The following TRAK1 variants were observed in gnomAD, a reference collection of about 807,000 sequenced individuals.
TRAK1 encodes trafficking kinesin protein 1, also known as trafficking kinesin-binding protein 1.
TRAK1 carries 33 observed loss-of-function variants against 92.1 expected under a neutral mutation model. That is an observed-to-expected ratio of 0.36 (90% CI 0.27 to 0.48). TRAK1 has a LOEUF of 0.48. TRAK1 is among the 20% of genes least tolerant of loss of function. The probability of loss-of-function intolerance (pLI) is 0.99; values close to 1 mark genes in which losing one functional copy is unlikely to be tolerated. For synonymous variants in TRAK1, 521 were observed against 517.3 expected (o/e 1.01, Z -0.10); for missense variants, 1,123 against 1,257.9 (o/e 0.89, Z 1.62).
chr3:42,133,257 C>T (rs373997036), intron 2 of TRAK1, among the ~76,000 whole-genome samples: 7 of 152,312 alleles, frequency 4.6e-5, no homozygotes, highest in South Asian at 2.1e-4. Flanking sequence ...AGCCTCGTTC[C>T]ACCCTCTCCT....
chr3:42,127,836 T>C (rs1710787920), intron 2 of TRAK1, among the ~76,000 whole-genome samples: 2 of 152,170 alleles, frequency 1.3e-5, no homozygotes, highest in Non-Finnish European at 2.9e-5. Flanking sequence ...TGTGAAAGGC[T>C]CAGTGTTTAC....
intron 1 of TRAK1, among the ~76,000 whole-genome samples, chr3:42,100,169 C>G (rs1217646144): frequency 6.6e-6 from 1 of 152,134 alleles, no homozygotes; most frequent in Non-Finnish European, 1.5e-5. Flanking sequence ...AAGCCAGCCA[C>G]TATGAAGGCA....
chr3:42,035,960 A>C (rs1051369411), intron 1 of TRAK1, among the ~76,000 whole-genome samples: 1 of 152,146 alleles, frequency 6.6e-6, no homozygotes, highest in South Asian at 2.1e-4. Context: ...CAGTCTAGGT[A>C]TTTCCTGCTC....
chr3:42,160,382 C>T (rs201670628), intron 2 of TRAK1: 113 of 1,614,096 alleles, frequency 7.0e-5, no homozygotes, highest in East Asian at 6.0e-4. Flanking sequence ...GAGACAAGGG[C>T]GGGGAAGAAG....
At chr3:42,098,383 G>C (rs1559761977) in intron 1 of TRAK1, among the ~76,000 whole-genome samples, 2 of 152,184 alleles carry the variant, frequency 1.3e-5, no homozygotes. Context: ...TGGAGGAAGG[G>C]AGGTTGGGCC....
At chr3:42,196,840 G>T (rs984573845) in intron 10 of TRAK1, among the ~76,000 whole-genome samples, 1 of 151,608 alleles carries the variant, frequency 6.6e-6, no homozygotes, top group Non-Finnish European at 1.5e-5. Flanking sequence ...GAGCCGCCGC[G>T]CCTGGCCCTA....
intron 2 of TRAK1, among the ~76,000 whole-genome samples, chr3:42,142,972 G>T (rs977384077): frequency 2.0e-5 from 3 of 152,104 alleles, no homozygotes; most frequent in Non-Finnish European, 4.4e-5. Context: ...TTGAAACCTG[G>T]TGTTGCAGGT....
At chr3:42,089,243 A>G (rs190095153), upstream of TRAK1, among the ~76,000 whole-genome samples, 200 of 152,224 alleles carry the variant, frequency 1.3e-3, no homozygotes, top group African/African-American at 4.2e-3. Context: ...TGTTGGCTGT[A>G]TCTTCAGAGT....
At chr3:42,089,643 T>C (rs960306546), upstream of TRAK1, among the ~76,000 whole-genome samples, 1 of 149,652 alleles carries the variant, frequency 6.7e-6, no homozygotes, top group Non-Finnish European at 1.5e-5. Flanking sequence ...CTCTTCCTTC[T>C]CCAAGTGACA....
chr3:42,218,627 C>T, intron 14 of TRAK1: 4 of 985,302 alleles, frequency 4.1e-6, no homozygotes, highest in Non-Finnish European at 4.8e-6. Flanking sequence ...CCAGCTTTCT[C>T]ATGCATGGTC....
At chr3:42,094,173 G>A (rs1423585500) in intron 1 of TRAK1, among the ~76,000 whole-genome samples, 4 of 152,180 alleles carry the variant, frequency 2.6e-5, no homozygotes, top group Admixed American at 2.0e-4. Context: ...TTGTAGGAAC[G>A]TTGACTGGGA....
At chr3:42,219,372 C>T (rs1710083321) in intron 14 of TRAK1, 122 bp from the exon 15 acceptor site, 1 of 1,580,038 alleles carries the variant, frequency 6.3e-7, no homozygotes, top group African/African-American at 1.3e-5. Flanking sequence ...ACCTTCCTCG[C>T]CCAGATCCAG....
At chr3:42,115,186 A>C (rs1709015929) in intron 1 of TRAK1, among the ~76,000 whole-genome samples, 1 of 152,212 alleles carries the variant, frequency 6.6e-6, no homozygotes, top group African/African-American at 2.4e-5. Flanking sequence ...GTTTAAAATA[A>C]ATTTGTGTAC....
chr3:42,086,125 T>G (rs948374430), upstream of TRAK1, among the ~76,000 whole-genome samples: 2 of 152,202 alleles, frequency 1.3e-5, no homozygotes, highest in African/African-American at 4.8e-5. Context: ...GCGCTGGGAG[T>G]TGAGGCAGCG....
chr3:42,194,072 A>T (rs1706217764), intron 9 of TRAK1, among the ~76,000 whole-genome samples, 174 bp downstream of exon 9: 1 of 152,134 alleles, frequency 6.6e-6, no homozygotes, highest in South Asian at 2.1e-4. Context: ...GCCCACTGAC[A>T]CTGTTACTGG....
rs148528673 is a variant in TRAK1 at position 42,091,553 on chromosome 3, C to T, written c.84C>T (p.Asn28=). ...GLCHGKLIRT[N]ACDVCNSTDL... ...GCCACGGCAAGCTCATTCGGACAAA[C>T]GCCTGTGGTAAGTTTGTTTGCCAGG... is the stretch of plus-strand genomic sequence containing the variant. The change falls in exon 1 of 16, where the codon AAC becomes AAT. Residue 28 remains asparagine (N), a synonymous_variant. Transcript: ENST00000327628. The T allele has an allele frequency of 2.1e-4, 346 of 1,612,004 alleles. 3 individuals are homozygous for T. The Middle Eastern group carries it at 2.8e-3, about 13-fold the overall frequency.
At chr3:42,063,366 G>A (rs1186102156) in intron 1 of TRAK1, among the ~76,000 whole-genome samples, 1 of 152,220 alleles carries the variant, frequency 6.6e-6, no homozygotes, top group African/African-American at 2.4e-5. Flanking sequence ...AACCAGGAAT[G>A]CCTTTGTGAT....
At chr3:42,151,630 C>T (rs750975796) in intron 2 of TRAK1, among the ~76,000 whole-genome samples, 8 of 152,096 alleles carry the variant, frequency 5.3e-5, no homozygotes, top group Non-Finnish European at 1.0e-4. Context: ...AACAGAAGTC[C>T]AGAAATAAAC....
chr3:42,072,528 G>A (rs1703978940), intron 1 of TRAK1, among the ~76,000 whole-genome samples: 1 of 150,422 alleles, frequency 6.6e-6, no homozygotes, highest in Non-Finnish European at 1.5e-5. Context: ...GATGCAGACC[G>A]TTATGTAAGG....
Sources: gnomAD v4.1 joint callset for allele counts (sites outside exome capture counted in the v4.1 genomes callset) on GRCh38, gnomAD v4.1.1 for gene constraint, MANE v1.5 for transcripts, NCBI Gene and HGNC (gene_info 2026-07-23, HGNC 2026-07-21) for gene names.